Variants in DPYS observed in about 807,000 individuals in gnomAD.
DPYS encodes the protein dihydropyrimidinase, also known as dihydropyrimidine amidohydrolase.
Under a neutral mutation model 50.3 loss-of-function variants are expected in DPYS, and 39 were observed. The ratio of observed to expected loss-of-function variants is 0.78; its 90% CI spans 0.60 to 1.01. The LOEUF (loss-of-function observed/expected upper bound fraction) is 1.01, where lower values mean the gene tolerates loss of function less well. Ranked by LOEUF, DPYS falls within the 50% of genes least tolerant of loss-of-function variation. DPYS has a pLI of 0.00. For missense variants in DPYS, 659 were observed against 680.9 expected (o/e 0.97, Z 0.36); for synonymous variants, 245 against 250.7 (o/e 0.98, Z 0.22).
intron 7 of DPYS, chr8:104,423,830 G>T: frequency 2.7e-6 from 1 of 370,262 alleles, no homozygotes; most frequent in Non-Finnish European, 3.7e-6. Flanking sequence ...CTAACTGAAA[G>T]TGACATCCTT....
At chr8:104,463,922 C>T (rs901067550) in intron 1 of DPYS, among the ~76,000 whole-genome samples, 1 of 152,088 alleles carries the variant, frequency 6.6e-6, no homozygotes, top group Non-Finnish European at 1.5e-5. Flanking sequence ...TATATTTCCC[C>T]ATCTGGTTCA....
At chr8:104,453,799 A>G (rs1813836708) in intron 1 of DPYS, among the ~76,000 whole-genome samples, 1 of 152,260 alleles carries the variant, frequency 6.6e-6, no homozygotes, top group Non-Finnish European at 1.5e-5. Context: ...ACAAATGTCC[A>G]TCGACTCATG....
chr8:104,410,393 G>A (rs1212670321), intron 7 of DPYS, among the ~76,000 whole-genome samples: 1 of 152,062 alleles, frequency 6.6e-6, no homozygotes, highest in Non-Finnish European at 1.5e-5. Context: ...TCAGACTCTA[G>A]GGTGACCAGG....
At chr8:104,440,577 T>C (rs1300251473) in intron 4 of DPYS, among the ~76,000 whole-genome samples, 3 of 152,014 alleles carry the variant, frequency 2.0e-5, no homozygotes, top group African/African-American at 7.2e-5. Context: ...GCCAACATGG[T>C]GAAACCCTGT....
At chr8:104,440,050 T>G (rs1229212359) in intron 4 of DPYS, among the ~76,000 whole-genome samples, 1 of 152,172 alleles carries the variant, frequency 6.6e-6, no homozygotes, top group African/African-American at 2.4e-5. Context: ...TATGACAATT[T>G]TTTAAAAGAC....
At chr8:104,427,407 T>G (rs1018975486) in intron 6 of DPYS, among the ~76,000 whole-genome samples, 1 of 151,016 alleles carries the variant, frequency 6.6e-6, no homozygotes, top group African/African-American at 2.4e-5. Flanking sequence ...GCCTCCTGAG[T>G]AGCTGGGATT....
At chr8:104,449,900 T>C (rs1199012396) in intron 2 of DPYS, among the ~76,000 whole-genome samples, 4 of 152,208 alleles carry the variant, frequency 2.6e-5, no homozygotes. Flanking sequence ...GTCTGTTGTT[T>C]AAGCCATTCT....
chr8:104,395,382 A>G (rs540400725), intron 7 of DPYS, among the ~76,000 whole-genome samples: 7 of 152,364 alleles, frequency 4.6e-5, no homozygotes, highest in Admixed American at 3.9e-4. Flanking sequence ...TTACACATAC[A>G]TAGATTTGTG....
chr8:104,416,658 A>AGTGTGT (rs58283473), intron 7 of DPYS, among the ~76,000 whole-genome samples: 2 of 150,532 alleles, frequency 1.3e-5, no homozygotes, highest in African/African-American at 4.9e-5. Flanking sequence ...TGTGCATGTG[A>AGTGTGT]GTGTGTGTGT....
intron 2 of DPYS, among the ~76,000 whole-genome samples, chr8:104,448,908 C>T (rs567379629): frequency 1.3e-5 from 2 of 152,290 alleles, no homozygotes; most frequent in East Asian, 3.9e-4. Context: ...CATAGCAGTC[C>T]TTACTTGCTG....
chr8:104,447,535 T>A lies in DPYS; in HGVS notation c.424-32A>T, dbSNP rs191947915. ...GGAAGCAGCAACCATAACAACAATA[T>A]GTTACTCTAATTTAAATGATAATTT... On this transcript the variant is annotated intron_variant, in intron 2 of 9. Transcript: ENST00000351513. 8.6e-5 allele frequency: 138 copies of A among 1,607,728 alleles called. No homozygotes were observed. The African/African-American group carries it at 1.6e-3, about 19-fold the overall frequency.
intron 1 of DPYS, 65 bp downstream of exon 1, chr8:104,466,592 A>G: frequency 1.4e-6 from 2 of 1,446,202 alleles, no homozygotes; most frequent in Non-Finnish European, 1.8e-6. Flanking sequence ...GGACCCCGGG[A>G]CGACTGGGGA....
intron 7 of DPYS, among the ~76,000 whole-genome samples, chr8:104,403,543 G>A (rs939607269): frequency 2.6e-5 from 4 of 152,184 alleles, no homozygotes; most frequent in Non-Finnish European, 4.4e-5. Flanking sequence ...AAGACAGGAA[G>A]GAGGGCTCTC....
intron 4 of DPYS, among the ~76,000 whole-genome samples, chr8:104,430,375 C>T (rs1426741143): frequency 6.7e-6 from 1 of 148,364 alleles, no homozygotes; most frequent in Non-Finnish European, 1.5e-5. Context: ...AAAAAAAAAG[C>T]GTACAATGTT....
At chr8:104,454,724 A>T (rs1813865780) in intron 1 of DPYS, among the ~76,000 whole-genome samples, 1 of 152,238 alleles carries the variant, frequency 6.6e-6, no homozygotes, top group Non-Finnish European at 1.5e-5. Flanking sequence ...AAAAATTGCT[A>T]AAGGGAGGTA....
chr8:104,426,672 T>C (rs1812732856), intron 6 of DPYS, among the ~76,000 whole-genome samples: 1 of 152,218 alleles, frequency 6.6e-6, no homozygotes, highest in African/African-American at 2.4e-5. Flanking sequence ...GAAAAGGGCA[T>C]GACACTGGGG....
Position 104,467,032 on chromosome 8 carries a change from A to G in DPYS, c.-112T>C. The G allele has an allele frequency of 3.1e-6, 4 of 1,277,072 alleles. No homozygotes were observed. Among genetic ancestry groups the G allele is most frequent in the Non-Finnish European group, 1.0e-6 (1 of 992,030 alleles). 79.1% of individuals were successfully genotyped at this position (1,277,072 alleles called of 1,614,324 possible). On this transcript the variant is annotated 5_prime_UTR_variant, in exon 1 of 10. Transcript: ENST00000351513. ...GCAAGGTCCCCACCGACAGCCCCCG[A>G]GCTCTGCCTCAGGCTGCAAATCCGG...
intron 2 of DPYS, among the ~76,000 whole-genome samples, chr8:104,450,715 G>C (rs1813709084): frequency 6.6e-6 from 1 of 152,206 alleles, no homozygotes; most frequent in Non-Finnish European, 1.5e-5. Flanking sequence ...ACTCGGTCAA[G>C]ATACAGCTTG....
chr8:104,432,812 A>G (rs1298472125), intron 4 of DPYS, among the ~76,000 whole-genome samples: 1 of 152,178 alleles, frequency 6.6e-6, no homozygotes, highest in South Asian at 2.1e-4. Flanking sequence ...AAATAAATTA[A>G]TGTTTATGAA....
Sources: gnomAD v4.1 joint callset for allele counts (sites outside exome capture counted in the v4.1 genomes callset) on GRCh38, gnomAD v4.1.1 for gene constraint, MANE v1.5 for transcripts, NCBI Gene and HGNC (gene_info 2026-07-23, HGNC 2026-07-21) for gene names.